Variants in PCDH11X observed in about 807,000 individuals in gnomAD.
The protein encoded by PCDH11X is protocadherin-11 X-linked.
In PCDH11X, 18 loss-of-function variants were observed where a neutral mutation model predicts 53.3. The ratio of observed to expected loss-of-function variants is 0.34; its 90% CI spans 0.23 to 0.50. The LOEUF is 0.50. Among genes scored for constraint, PCDH11X ranks in the 20% least tolerant of loss-of-function variants. The pLI is 0.98. For synonymous variants in PCDH11X, 279 were observed against 393.3 expected, an observed-to-expected ratio of 0.71 and a Z score of 3.44; for missense variants, 570 against 1,032.4, an observed-to-expected ratio of 0.55 and a Z score of 6.14.
chrX:92,407,688 T>C lies in PCDH11X; in HGVS notation c.3343+19755T>C, dbSNP rs570637154. Among the ~76,000 whole-genome samples the C allele has an allele frequency of 1.4e-4, 15 of 109,270 alleles. No homozygotes were observed. The South Asian group carries it at 6.1e-3, about 44-fold the overall frequency. The allele number at this position is 109,270 out of a possible 115,157, so 94.9% of individuals were successfully genotyped here. A position where few individuals can be genotyped will look rare whatever the true frequency, so the allele number is the denominator to read the frequency against. On this transcript the variant is annotated intron_variant, in intron 9 of 10. Coordinates refer to ENST00000682573, the MANE Select transcript of PCDH11X (RefSeq NM_032968.5). ...TGATAAAAATAATCAGATATGTGTA[T>C]GGCATGTGTCATCTTTCAGTCTTCT... is the stretch of plus-strand genomic sequence containing the variant.
intron 6 of PCDH11X, among the ~76,000 whole-genome samples, chrX:92,085,637 A>T: frequency 9.0e-6 from 1 of 110,727 alleles, no homozygotes; most frequent in African/African-American, 3.3e-5. Context: ...TGTCCAAAGA[A>T]ATTCTACCAT....
intron 6 of PCDH11X, among the ~76,000 whole-genome samples, chrX:92,049,805 G>A (rs1411784395): frequency 2.7e-5 from 3 of 111,060 alleles, no homozygotes; most frequent in Non-Finnish European, 5.7e-5. Context: ...ATGGAGTCTC[G>A]CTTTGCTGTC....
At chrX:92,496,811 C>A (rs2073868254) in intron 10 of PCDH11X, among the ~76,000 whole-genome samples, 1 of 108,464 alleles carries the variant, frequency 9.2e-6, no homozygotes, top group South Asian at 3.8e-4. Context: ...ACTCTTCTTA[C>A]ATGCCTTTGC....
chrX:91,963,876 G>A (rs1408844331), intron 6 of PCDH11X, among the ~76,000 whole-genome samples: 7 of 109,874 alleles, frequency 6.4e-5, no homozygotes, highest in Non-Finnish European at 7.5e-5. Flanking sequence ...AGTGCCAAGC[G>A]AAACAAGGAA....
At chrX:92,399,176 G>A (rs1355862558) in intron 9 of PCDH11X, among the ~76,000 whole-genome samples, 1 of 91,807 alleles carries the variant, frequency 1.1e-5, no homozygotes, top group Non-Finnish European at 2.2e-5. Flanking sequence ...CTGGGCAACA[G>A]AGCCAGACTC....
At chrX:92,403,340 T>G (rs550644277) in intron 9 of PCDH11X, among the ~76,000 whole-genome samples, 8 of 48,542 alleles carry the variant, frequency 1.6e-4, no homozygotes, top group African/African-American at 2.5e-4. Flanking sequence ...TTTTTTTTTG[T>G]TTTTTTTTTT....
chrX:91,832,820 C>G (rs1450888393), intron 4 of PCDH11X, among the ~76,000 whole-genome samples: 5 of 110,291 alleles, frequency 4.5e-5, no homozygotes, highest in African/African-American at 6.6e-5. Flanking sequence ...GGGGTTATCC[C>G]AGGAATTCAA....
intron 10 of PCDH11X, among the ~76,000 whole-genome samples, chrX:92,607,093 A>C (rs1329017542): frequency 9.0e-6 from 1 of 110,885 alleles, no homozygotes; most frequent in African/African-American, 3.3e-5. Flanking sequence ...TAGTGCACCC[A>C]ATTTGGAAAA....
chrX:92,374,665 T>A (rs2070699481), intron 8 of PCDH11X, among the ~76,000 whole-genome samples: 1 of 111,856 alleles, frequency 8.9e-6, no homozygotes, highest in Non-Finnish European at 1.9e-5. Flanking sequence ...GAGCTTTTTG[T>A]TGGTTCAGTT....
chrX:92,191,706 G>A (rs181139037), intron 6 of PCDH11X, among the ~76,000 whole-genome samples: 55 of 111,813 alleles, frequency 4.9e-4, no homozygotes, highest in African/African-American at 1.6e-3. Flanking sequence ...TTCTTTTTGC[G>A]TTGAAAACTG....
chrX:92,402,679 G>A (rs1179132843), intron 9 of PCDH11X, among the ~76,000 whole-genome samples: 1 of 111,026 alleles, frequency 9.0e-6, no homozygotes, highest in Non-Finnish European at 1.9e-5. Flanking sequence ...ATAAAACCCT[G>A]GAATACAGCC....
At chrX:92,521,333 C>T (rs34920892) in intron 10 of PCDH11X, among the ~76,000 whole-genome samples, 2 of 111,963 alleles carry the variant, frequency 1.8e-5, no homozygotes, top group African/African-American at 3.2e-5. Flanking sequence ...AATCTGCTCG[C>T]ATGTCTCCAT....
intron 8 of PCDH11X, among the ~76,000 whole-genome samples, chrX:92,309,374 G>A (rs1415434534): frequency 8.9e-6 from 1 of 111,766 alleles, no homozygotes; most frequent in Admixed American, 9.6e-5. Context: ...ATTATGCTAA[G>A]TGAATTAAAC....
chrX:91,862,096 C>G (rs892839633), intron 5 of PCDH11X, among the ~76,000 whole-genome samples: 1 of 109,329 alleles, frequency 9.1e-6, no homozygotes, highest in African/African-American at 3.3e-5. Flanking sequence ...ATTTTTGTAT[C>G]TGGGTAATGT....
In PCDH11X at chrX:92,083,420, C is replaced by T. The variant is rs1236438911; in HGVS notation, c.3034-117955C>T. Among the ~76,000 whole-genome samples the T allele has an allele frequency of 2.7e-5, 3 of 110,831 alleles. No homozygotes were observed. The Admixed American group carries it at 2.9e-4, about 11-fold the overall frequency. The stretch of plus-strand genomic sequence containing the variant: ...CCTTAAAAACAATACAAAATAAACC[C>T]CAGAAATAAATTGGAGTGAACTACA... On this transcript the variant is annotated intron_variant, in intron 6 of 10. Coordinates refer to ENST00000682573, the MANE Select transcript of PCDH11X (RefSeq NM_032968.5).
chrX:92,435,375 A>G (rs2072346595), intron 9 of PCDH11X, among the ~76,000 whole-genome samples: 1 of 110,881 alleles, frequency 9.0e-6, no homozygotes, highest in Admixed American at 9.6e-5. Flanking sequence ...TCAGGCTATC[A>G]TTCATAAAAA....
intron 1 of PCDH11X, among the ~76,000 whole-genome samples, chrX:91,808,158 T>C (rs1936178539): frequency 9.1e-6 from 1 of 110,281 alleles, no homozygotes; most frequent in Admixed American, 9.8e-5. Flanking sequence ...GTAGATAATA[T>C]TAACTTTTAT....
At chrX:91,944,341 G>T (rs1392960228) in intron 6 of PCDH11X, among the ~76,000 whole-genome samples, 1 of 106,351 alleles carries the variant, frequency 9.4e-6, no homozygotes, top group African/African-American at 3.4e-5. Context: ...AAAAAACTAC[G>T]TCAAAACTAT....
At chrX:92,198,410 CAAAAAAAAA>C (rs148083122) in intron 6 of PCDH11X, among the ~76,000 whole-genome samples, 21 of 31,622 alleles carry the variant, frequency 6.6e-4, no homozygotes, top group African/African-American at 2.4e-3. Context: ...GATCCTGTCT[CAAAAAAAAA>C]AAAAAAAAAA....
Sources: gnomAD v4.1 joint callset for allele counts (sites outside exome capture counted in the v4.1 genomes callset) on GRCh38, gnomAD v4.1.1 for gene constraint, MANE v1.5 for transcripts, NCBI Gene and HGNC (gene_info 2026-07-23, HGNC 2026-07-21) for gene names.